Variants in SPTBN4 observed in about 807,000 individuals in gnomAD.
The protein encoded by SPTBN4 is spectrin beta, non-erythrocytic 4.
SPTBN4 carries 96 observed loss-of-function variants against 277.8 expected under a neutral mutation model. The observed-to-expected ratio is 0.35, with a 90% CI of 0.29 to 0.41. The LOEUF is 0.41. Among genes scored for constraint, SPTBN4 ranks in the 10% least tolerant of loss-of-function variants. SPTBN4 has a pLI of 1.00. For missense variants in SPTBN4, 3,006 were observed against 3,595.7 expected (o/e 0.84, Z 4.19); for synonymous variants, 1,481 against 1,580.3 (o/e 0.94, Z 1.49).
rs111254070 is a variant in SPTBN4, at chr19:40,509,054, T to G, written c.1816+2668T>G. Among the ~76,000 whole-genome samples, 19 of 150,894 alleles carry G rather than the reference T, an allele frequency of 1.3e-4. 1 individual carries two copies. The highest frequency in any genetic ancestry group is 4.4e-4 in the African/African-American group (18 of 41,118). ...CCATCTGATATGAGCGTTCTGTGAG[T>G]TTTTTTTATTATTATTGTTGTTGTT... On this transcript the variant is annotated intron_variant, in intron 13 of 35. Coordinates refer to ENST00000598249, the MANE Select transcript of SPTBN4 (RefSeq NM_020971.3).
At chr19:40,540,078 C>G (rs1247765917) in intron 20 of SPTBN4, among the ~76,000 whole-genome samples, 1 of 151,862 alleles carries the variant, frequency 6.6e-6, no homozygotes, top group Non-Finnish European at 1.5e-5. Flanking sequence ...AGGCACCCGC[C>G]ACCATACCCG....
intron 2 of SPTBN4, among the ~76,000 whole-genome samples, chr19:40,483,408 C>T (rs1397619178): frequency 6.6e-6 from 1 of 151,982 alleles, no homozygotes; most frequent in Non-Finnish European, 1.5e-5. Flanking sequence ...TATATAACTG[C>T]TATGTACCCA....
At chr19:40,481,698 A>G (rs1211307513) in intron 2 of SPTBN4, among the ~76,000 whole-genome samples, 1 of 151,880 alleles carries the variant, frequency 6.6e-6, no homozygotes, top group Non-Finnish European at 1.5e-5. Context: ...CTGGTCTCGA[A>G]CTCCTGACCT....
chr19:40,561,017 AT>A (rs938525461), intron 27 of SPTBN4, among the ~76,000 whole-genome samples: 1 of 151,592 alleles, frequency 6.6e-6, no homozygotes, highest in South Asian at 2.1e-4. Context: ...GAGGCTGCAA[AT>A]TTTTTTTTCT....
Position 40,519,706 on chromosome 19 carries a change from G to A in SPTBN4, c.3209G>A (p.Trp1070Ter), listed in dbSNP as rs2080502126. 5.0e-6 allele frequency: 7 copies of A among 1,389,138 alleles called. No homozygotes were observed. Among genetic ancestry groups the A allele is most frequent in the Non-Finnish European group, 5.5e-6 (6 of 1,082,980 alleles). 86.1% of individuals were successfully genotyped at this position (1,389,138 alleles called of 1,614,324 possible). ...GGCGCGGAGGAGCTGGGCGCCGAGT[G>A]GGGCGCGCTAGCTAGCGCGGCTCAG... ...HQGAEELGAEWGALASAAQAC... is the reference protein window; with the variant it reads ...HQGAEELGAE The change falls in exon 16 of 36, where the codon TGG becomes TAG. Residue 1070 changes from tryptophan to a stop codon, truncating the protein, a stop_gained. Transcript: ENST00000598249. LOFTEE classifies it high-confidence loss of function. The surrounding 1 kb of genome is among the most constrained non-coding windows in gnomAD (Gnocchi z 5.7).
intron 33 of SPTBN4, chr19:40,571,660 T>C (rs918350955): frequency 2.2e-5 from 4 of 185,928 alleles, no homozygotes; most frequent in Non-Finnish European, 4.4e-5. Flanking sequence ...GAATTCTTTA[T>C]TCCAGACAGT....
chr19:40,544,564 C>T (rs2080839137), intron 20 of SPTBN4, among the ~76,000 whole-genome samples: 1 of 150,020 alleles, frequency 6.7e-6, no homozygotes. Context: ...TCTCCTGCCT[C>T]AGGCTCCCGA....
chr19:40,469,089 A>T (rs1192949582), intron 1 of SPTBN4, among the ~76,000 whole-genome samples: 1 of 148,562 alleles, frequency 6.7e-6, no homozygotes, highest in African/African-American at 2.5e-5. Flanking sequence ...ATAGAGCAAT[A>T]CCTTGTCTCA....
chr19:40,559,986 G>A (rs1261669234), intron 26 of SPTBN4, among the ~76,000 whole-genome samples, 173 bp from the exon 27 acceptor site: 3 of 152,254 alleles, frequency 2.0e-5, no homozygotes, highest in East Asian at 1.9e-4. Flanking sequence ...AAAGAAGTCA[G>A]AATGCGGGTA....
intron 20 of SPTBN4, among the ~76,000 whole-genome samples, chr19:40,543,673 C>A (rs1266790743): frequency 6.6e-6 from 1 of 151,984 alleles, no homozygotes. Context: ...TTTAGAATTA[C>A]AAGGGTAATA....
chr19:40,506,612 T>A (rs2080333419), intron 13 of SPTBN4, among the ~76,000 whole-genome samples: 1 of 152,196 alleles, frequency 6.6e-6, no homozygotes, highest in Non-Finnish European at 1.5e-5. Flanking sequence ...TCTGCAGTAA[T>A]AACCCACATT....
Position 40,567,813 on chromosome 19 carries a change from C to A in SPTBN4, c.6487C>A (p.Arg2163=). 2 of 1,513,458 alleles carry A rather than the reference C, an allele frequency of 1.3e-6. No individual in the cohort carries two copies. The highest frequency in any genetic ancestry group is 3.7e-4 in the Middle Eastern group (2 of 5,366). 93.8% of individuals were successfully genotyped at this position (1,513,458 alleles called of 1,614,324 possible). The part of the protein sequence containing the change: ...YERGLEPLAR[R]ASDTLSAEVR... ...AAGGGGCTTGGAGCCCCTGGCCCGC[C>A]GAGCCTCGGACACGCTCTCGGCCGA... The change falls in exon 31 of 36, where the codon CGA becomes AGA. Residue 2163 remains arginine (R), a synonymous_variant. Coordinates refer to ENST00000598249, the MANE Select transcript of SPTBN4 (RefSeq NM_020971.3).
chr19:40,556,304 A>G lies in SPTBN4; in HGVS notation c.5289+16A>G, dbSNP rs2080978369. 1 of 1,602,512 alleles carries G rather than the reference A, an allele frequency of 6.2e-7. No homozygotes were observed. Among genetic ancestry groups the G allele is most frequent in the Non-Finnish European group, 8.5e-7 (1 of 1,172,856 alleles). On this transcript the variant is annotated intron_variant, in intron 25 of 35. Transcript: ENST00000598249. ...GCATGTCTCGGTGAGCATCATTAGT[A>G]ATAAGTGATACCAGGAGCTACCACT...
chr19:40,528,633 T>C (rs1478400384), intron 17 of SPTBN4, among the ~76,000 whole-genome samples: 8 of 152,196 alleles, frequency 5.3e-5, no homozygotes, highest in Non-Finnish European at 1.2e-4. Context: ...GGCTCTGCCT[T>C]GCTCCATCTC....
intron 16 of SPTBN4, among the ~76,000 whole-genome samples, chr19:40,522,511 C>G (rs62107052): frequency 6.6e-6 from 1 of 151,026 alleles, no homozygotes; most frequent in East Asian, 2.0e-4. Context: ...TGCCACTACA[C>G]CCGGCTAATA....
At chr19:40,485,209 G>A (rs745855986) in intron 2 of SPTBN4, among the ~76,000 whole-genome samples, 1 of 152,026 alleles carries the variant, frequency 6.6e-6, no homozygotes, top group Non-Finnish European at 1.5e-5. Flanking sequence ...GAGTGCAGTG[G>A]CACGATCTCG....
In SPTBN4 at chr19:40,503,819, CACTGCCCCAGGACAACTTTGGGTATGA is replaced by C; in HGVS notation, c.1363-10_1379del. On this transcript the variant is annotated splice_acceptor_variant and splice_polypyrimidine_tract_variant and coding_sequence_variant and intron_variant, in exon 12 of 36. Transcript: ENST00000598249. LOFTEE classifies it high-confidence loss of function. ...AGGCAGCATGGGTGAGTGTCTGGCT[CACTGCCCCAGGACAACTTTGGGTATGA>C]GCTGCCCGCAGTGGAGGCAGCCATG... The C allele has an allele frequency of 6.4e-7, 1 of 1,568,492 alleles. No individual in the cohort carries two copies. Among genetic ancestry groups the C allele is most frequent in the Non-Finnish European group, 8.7e-7 (1 of 1,153,328 alleles).
chr19:40,536,356 G>A (rs879538287), intron 20 of SPTBN4, among the ~76,000 whole-genome samples: 17 of 152,234 alleles, frequency 1.1e-4, no homozygotes, highest in Non-Finnish European at 2.2e-4. Flanking sequence ...TGGGATTACA[G>A]GCATGTGCCA....
chr19:40,519,679 AGGGCGCGGAGGAGCT>A lies in SPTBN4; in HGVS notation c.3189_3203del (p.Glu1065_Glu1069del). The A allele has an allele frequency of 7.2e-7, 1 of 1,389,274 alleles. No homozygotes were observed. Among genetic ancestry groups the A allele is most frequent in the Non-Finnish European group, 9.2e-7 (1 of 1,082,516 alleles). 86.1% of individuals were successfully genotyped at this position (1,389,274 alleles called of 1,614,324 possible). ...CCGGCGCAGGCGGCGCGGCTGCACCAGGGCGCGGAGGAGCTGGGCGCCGAGTGGGGCGCGCTAGCT... is the reference window on the plus strand; with the variant it reads ...CCGGCGCAGGCGGCGCGGCTGCACCAGGGCGCCGAGTGGGGCGCGCTAGCT... On this transcript the variant is annotated inframe_deletion, in exon 16 of 36. Coordinates refer to ENST00000598249, the MANE Select transcript of SPTBN4 (RefSeq NM_020971.3). This position sits in a 1 kb window ranked among gnomAD's most constrained non-coding sequence, Gnocchi z 5.7.
Sources: gnomAD v4.1 joint callset for allele counts (sites outside exome capture counted in the v4.1 genomes callset) on GRCh38, gnomAD v4.1.1 for gene constraint, Gnocchi (gnomAD v3.1) non-coding constraint, MANE v1.5 for transcripts, NCBI Gene and HGNC (gene_info 2026-07-23, HGNC 2026-07-21) for gene names.